The following TMPRSS15 variants were observed in gnomAD, a reference collection of about 807,000 sequenced individuals.
TMPRSS15 encodes transmembrane serine protease 15, also known as enteropeptidase.
In TMPRSS15, 128 loss-of-function variants were observed where a neutral mutation model predicts 125.3. The observed-to-expected ratio is 1.02, with a 90% confidence interval of 0.89 to 1.18. The LOEUF is 1.18. Ranked by LOEUF, TMPRSS15 falls within the 50% of genes most tolerant of loss-of-function variation. The probability of loss-of-function intolerance (pLI) is 0.00; values close to 1 mark genes in which losing one functional copy is unlikely to be tolerated. For synonymous variants in TMPRSS15, 446 were observed against 423.2 expected, an observed-to-expected ratio of 1.05 and a Z score of -0.66; for missense variants, 1,283 against 1,212.7, an observed-to-expected ratio of 1.06 and a Z score of -0.86.
At chr21:18,403,417 G>T in intron 1 of TMPRSS15, 61 bp downstream of exon 1, 1 of 1,605,938 alleles carries the variant, frequency 6.2e-7, no homozygotes, top group South Asian at 1.1e-5. Context: ...CAGAATAACT[G>T]ACACTAAAGT....
chr21:18,454,733 T>C (rs1469624943), intron 1 of TMPRSS15, among the ~76,000 whole-genome samples: 2 of 152,162 alleles, frequency 1.3e-5, no homozygotes, highest in African/African-American at 4.8e-5. Flanking sequence ...TTTTGTGCTA[T>C]CTTGGGCCTC....
intron 1 of TMPRSS15, among the ~76,000 whole-genome samples, chr21:18,401,801 G>A (rs959439110): frequency 1.3e-5 from 2 of 152,084 alleles, no homozygotes; most frequent in Non-Finnish European, 2.9e-5. Context: ...GCATTAACTC[G>A]AATCCCTTTT....
intron 1 of TMPRSS15, among the ~76,000 whole-genome samples, chr21:18,475,545 T>C (rs1358867748): frequency 6.6e-6 from 1 of 152,216 alleles, no homozygotes; most frequent in Non-Finnish European, 1.5e-5. Flanking sequence ...TGAGCCATGA[T>C]AGTGCCACTG....
intron 10 of TMPRSS15, among the ~76,000 whole-genome samples, chr21:18,345,927 A>G (rs1267003516): frequency 6.6e-6 from 1 of 151,714 alleles, no homozygotes; most frequent in East Asian, 1.9e-4. Context: ...TTTTTCACTT[A>G]GTAAGCAGTG....
intron 21 of TMPRSS15, among the ~76,000 whole-genome samples, chr21:18,287,739 G>A (rs2074782714): frequency 6.6e-6 from 1 of 152,104 alleles, no homozygotes; most frequent in Non-Finnish European, 1.5e-5. Flanking sequence ...ACACAAGGTT[G>A]GAAGTTGATA....
At chr21:18,415,359 T>C (rs2076177202) in intron 1 of TMPRSS15, among the ~76,000 whole-genome samples, 1 of 152,162 alleles carries the variant, frequency 6.6e-6, no homozygotes. Context: ...TAGTTTGACA[T>C]AGTCCCACTT....
At chr21:18,324,158 T>A (rs780333946) in intron 16 of TMPRSS15, among the ~76,000 whole-genome samples, 1 of 152,116 alleles carries the variant, frequency 6.6e-6, no homozygotes, top group African/African-American at 2.4e-5. Flanking sequence ...CCAGAAAGCG[T>A]ATAATTTTTC....
intron 16 of TMPRSS15, among the ~76,000 whole-genome samples, chr21:18,324,892 G>A (rs2075273844): frequency 6.6e-6 from 1 of 152,050 alleles, no homozygotes; most frequent in African/African-American, 2.4e-5. Flanking sequence ...ACCACAAACA[G>A]AAGGAAACTG....
chr21:18,280,937 T>G, intron 22 of TMPRSS15, 103 bp downstream of exon 22: 1 of 1,230,076 alleles, frequency 8.1e-7, no homozygotes, highest in South Asian at 1.2e-5. Flanking sequence ...TAACAAATTA[T>G]CTAGCTTTTA....
At chr21:18,308,001 G>C (rs989880984) in intron 18 of TMPRSS15, among the ~76,000 whole-genome samples, 12 of 152,092 alleles carry the variant, frequency 7.9e-5, no homozygotes, top group African/African-American at 2.9e-4. Context: ...CCAGTCATCC[G>C]GGGCACTTGG....
chr21:18,287,627 G>C (rs7283398), intron 21 of TMPRSS15, among the ~76,000 whole-genome samples: 123,231 of 152,080 alleles, frequency 0.81, 50,175 homozygotes, highest in African/African-American at 0.84. Context: ...ACATGCCAAA[G>C]AGACATATGT....
At chr21:18,406,460 C>T (rs569528173), upstream of TMPRSS15, among the ~76,000 whole-genome samples, 11 of 152,066 alleles carry the variant, frequency 7.2e-5, no homozygotes, top group African/African-American at 2.7e-4. Flanking sequence ...AAACACTCTT[C>T]AGAGATTAAA....
intron 1 of TMPRSS15, chr21:18,460,598 A>C (rs1978533674): frequency 6.6e-6 from 1 of 152,176 alleles, no homozygotes; most frequent in Non-Finnish European, 1.5e-5. Flanking sequence ...GCAAATGCAA[A>C]CTCTGCAGGG....
intron 21 of TMPRSS15, among the ~76,000 whole-genome samples, chr21:18,282,513 T>A (rs966708573): frequency 1.3e-5 from 2 of 152,216 alleles, no homozygotes; most frequent in African/African-American, 4.8e-5. Flanking sequence ...GTTACTTACA[T>A]CTATCTATCA....
chr21:18,363,856 A>G (rs368316471), intron 7 of TMPRSS15, among the ~76,000 whole-genome samples: 4 of 152,102 alleles, frequency 2.6e-5, no homozygotes, highest in African/African-American at 7.2e-5. Flanking sequence ...TTTTTAATTC[A>G]TAGTCTTATT....
intron 21 of TMPRSS15, among the ~76,000 whole-genome samples, chr21:18,282,734 A>G (rs1023127): frequency 0.63 from 95,039 of 151,992 alleles, 31,060 homozygotes; most frequent in Non-Finnish European, 0.72. Flanking sequence ...AATCCTCATC[A>G]TAATTTTACA....
chr21:18,471,025 T>G (rs1247434604), intron 1 of TMPRSS15, among the ~76,000 whole-genome samples: 1 of 151,998 alleles, frequency 6.6e-6, no homozygotes, highest in Non-Finnish European at 1.5e-5. Context: ...TTACCCATGA[T>G]AGTTGATATA....
chr21:18,382,665 G>C (rs896380392), intron 4 of TMPRSS15, among the ~76,000 whole-genome samples: 2 of 151,958 alleles, frequency 1.3e-5, no homozygotes, highest in South Asian at 4.1e-4. Context: ...TATTCCCCTC[G>C]GTGTAGATAT....
At chr21:18,430,347 A>C (rs2059104869) in intron 1 of TMPRSS15, among the ~76,000 whole-genome samples, 1 of 152,202 alleles carries the variant, frequency 6.6e-6, no homozygotes, top group South Asian at 2.1e-4. Context: ...TAAAAAAGAA[A>C]CTATGTTTTG....
Sources: gnomAD v4.1 joint callset for allele counts (sites outside exome capture counted in the v4.1 genomes callset) on GRCh38, gnomAD v4.1.1 for gene constraint, MANE v1.5 for transcripts, NCBI Gene and HGNC (gene_info 2026-07-23, HGNC 2026-07-21) for gene names.